Variants in CCDC57 observed in about 807,000 individuals in gnomAD.
The protein encoded by CCDC57 is coiled-coil domain containing 57, also known as coiled-coil domain-containing protein 57.
A neutral mutation model predicts 118.9 loss-of-function variants in CCDC57; 118 were observed. That is an observed-to-expected ratio of 0.99 (90% CI 0.86 to 1.16). The LOEUF is 1.16. Ranked by LOEUF, CCDC57 falls within the 50% of genes most tolerant of loss-of-function variation. The pLI, the probability that CCDC57 is intolerant of heterozygous loss-of-function variation, is 0.00. For synonymous variants in CCDC57, 527 were observed against 532.9 expected, an observed-to-expected ratio of 0.99 and a Z score of 0.15; for missense variants, 1,300 against 1,320.7, an observed-to-expected ratio of 0.98 and a Z score of 0.24.
intron 19 of CCDC57, among the ~76,000 whole-genome samples, chr17:82,111,008 T>C (rs1223788045): frequency 1.3e-5 from 2 of 151,646 alleles, no homozygotes; most frequent in Non-Finnish European, 2.9e-5. Flanking sequence ...AAAGAGCATA[T>C]GTGCAGGAGT....
chr17:82,134,320 C>T lies in CCDC57; in HGVS notation c.2456-126G>A, dbSNP rs192123110. The T allele has an allele frequency of 2.1e-3, 2,056 of 983,622 alleles. 5 individuals carry two copies. Among genetic ancestry groups the T allele is most frequent in the Non-Finnish European group, 2.6e-3 (1,935 of 752,930 alleles). The allele number at this position is 983,622 out of a possible 1,614,324, so 60.9% of individuals were successfully genotyped here. On this transcript the variant is annotated intron_variant, in intron 16 of 19. Coordinates refer to ENST00000665763, the Ensembl canonical transcript of CCDC57. Reference sequence around the variant, plus strand: ...AAAACCAAAGTAACTTCCATTACATCGAGAACTTGGGGAGGGCCGGACAAC... The same window carrying T: ...AAAACCAAAGTAACTTCCATTACATTGAGAACTTGGGGAGGGCCGGACAAC...
chr17:82,149,239 A>AGATG (rs1018389081), intron 16 of CCDC57, among the ~76,000 whole-genome samples: 1 of 87,366 alleles, frequency 1.1e-5, no homozygotes, highest in Non-Finnish European at 2.2e-5. Flanking sequence ...GTAGATGGGT[A>AGATG]GATGGATGGA....
chr17:82,146,038 G>A (rs1479446386), intron 16 of CCDC57, among the ~76,000 whole-genome samples: 1 of 152,178 alleles, frequency 6.6e-6, no homozygotes, highest in Non-Finnish European at 1.5e-5. Context: ...TGCGGGATGC[G>A]GCCCCTTCCC....
intron 8 of CCDC57, 34 bp downstream of exon 7, chr17:82,188,185 C>G (rs1451407035): frequency 2.0e-6 from 3 of 1,514,092 alleles, no homozygotes. Context: ...CGTCCCTGCC[C>G]TCACCCTCTG....
intron 16 of CCDC57, among the ~76,000 whole-genome samples, chr17:82,141,177 ATT>A (rs56298520): frequency 3.3e-5 from 4 of 121,532 alleles, no homozygotes; most frequent in Admixed American, 8.8e-5. Flanking sequence ...CGCCCGGCTA[ATT>A]TTTTTTTTTT....
exon 17 of CCDC57, chr17:82,134,170 G>C: frequency 7.4e-7 from 1 of 1,342,948 alleles, no homozygotes; most frequent in East Asian, 3.1e-5. Context: ...AGGGGCAGGA[G>C]GGAGGGCGTG....
chr17:82,165,746 C>CT (rs887462937), intron 13 of CCDC57, among the ~76,000 whole-genome samples: 19 of 152,300 alleles, frequency 1.2e-4, no homozygotes, highest in African/African-American at 4.6e-4. Context: ...AGCAAAACCT[C>CT]TGACAACCGG....
chr17:82,114,486 A>G (rs1330034350), intron 19 of CCDC57, among the ~76,000 whole-genome samples: 1 of 152,230 alleles, frequency 6.6e-6, no homozygotes, highest in East Asian at 1.9e-4. Context: ...TCCTTTCAGG[A>G]AAGGCCCAGA....
chr17:82,158,610 C>G (rs1434034587), intron 14 of CCDC57, among the ~76,000 whole-genome samples: 1 of 150,158 alleles, frequency 6.7e-6, no homozygotes, highest in Admixed American at 6.7e-5. Context: ...ATGGCATGAA[C>G]CCGGGAGGTG....
chr17:82,138,507 A>T (rs973474091), intron 16 of CCDC57, among the ~76,000 whole-genome samples: 1 of 152,046 alleles, frequency 6.6e-6, no homozygotes, highest in Admixed American at 6.5e-5. Flanking sequence ...TGATCACACC[A>T]CTGCCCTCCA....
intron 2 of CCDC57, among the ~76,000 whole-genome samples, chr17:82,203,976 C>A (rs1489552393): frequency 6.6e-6 from 1 of 152,140 alleles, no homozygotes; most frequent in Non-Finnish European, 1.5e-5. Flanking sequence ...GGCTGAGCAC[C>A]GGCTGTGACG....
chr17:82,178,739 C>A, intron 10 of CCDC57, 134 bp from the exon 10 acceptor site: 3 of 1,332,552 alleles, frequency 2.3e-6, no homozygotes, highest in Non-Finnish European at 3.0e-6. Context: ...GCCGCCAAAC[C>A]CTTCCTGCCC....
chr17:82,133,838 C>A (rs780354503), intron 17 of CCDC57, among the ~76,000 whole-genome samples: 17 of 127,132 alleles, frequency 1.3e-4, no homozygotes, highest in African/African-American at 2.0e-4. Context: ...CAAGCCTGGG[C>A]AACAGAGCAA....
At chr17:82,152,755 C>T (rs2042215619) in intron 15 of CCDC57, among the ~76,000 whole-genome samples, 3 of 152,240 alleles carry the variant, frequency 2.0e-5, no homozygotes, top group Non-Finnish European at 4.4e-5. Context: ...CACACCCTGT[C>T]CCCGCCAGCT....
intron 9 of CCDC57, among the ~76,000 whole-genome samples, 157 bp downstream of exon 8, chr17:82,183,617 C>G (rs11657047): frequency 2.0e-5 from 3 of 151,988 alleles, no homozygotes; most frequent in Admixed American, 2.0e-4. Context: ...ACCACCCCTG[C>G]GTGACCAGAC....
chr17:82,109,059 T>C (rs1047606976), intron 19 of CCDC57: 1 of 152,194 alleles, frequency 6.6e-6, no homozygotes, highest in African/African-American at 2.4e-5. Context: ...TCCAAATACC[T>C]ACAGGGATAC....
intron 13 of CCDC57, among the ~76,000 whole-genome samples, chr17:82,166,540 C>G (rs1319847289): frequency 6.6e-6 from 1 of 151,514 alleles, no homozygotes; most frequent in Non-Finnish European, 1.5e-5. Flanking sequence ...AATACACAAA[C>G]AAAAAACTCC....
chr17:82,113,576 A>G (rs2035457785), intron 19 of CCDC57: 3 of 717,576 alleles, frequency 4.2e-6, no homozygotes, highest in East Asian at 5.4e-5. Context: ...TCCCCCTCGC[A>G]TTCCTGGAGC....
rs368763144 is a variant in CCDC57, at chr17:82,156,834, C to T, written c.2241+914G>A. The T allele has an allele frequency of 1.2e-3, 181 of 152,772 alleles. 2 individuals are homozygous for T. Among genetic ancestry groups the T allele is most frequent in the African/African-American group, 4.0e-3 (166 of 41,586 alleles). The allele number at this position is 152,772 out of a possible 1,614,324, so 9.5% of individuals were successfully genotyped here. On this transcript the variant is annotated intron_variant, in intron 15 of 19. Coordinates refer to ENST00000665763, the Ensembl canonical transcript of CCDC57. Reference sequence around the variant, plus strand: ...TCACTGTCCTGGAGCCTGAGACAGCCACGGCCGCATCTTCCTCAGTCCACT... The same window carrying T: ...TCACTGTCCTGGAGCCTGAGACAGCTACGGCCGCATCTTCCTCAGTCCACT...
Sources: gnomAD v4.1 joint callset for allele counts (sites outside exome capture counted in the v4.1 genomes callset) on GRCh38, gnomAD v4.1.1 for gene constraint, MANE v1.5 for transcripts, NCBI Gene and HGNC (gene_info 2026-07-23, HGNC 2026-07-21) for gene names.